The following POU2F3 variants were observed in gnomAD, a reference collection of about 807,000 sequenced individuals.
POU2F3 encodes POU class 2 homeobox 3.
POU2F3 carries 23 observed loss-of-function variants against 59.2 expected under a neutral mutation model. The ratio of observed to expected loss-of-function variants is 0.39; its 90% confidence interval spans 0.28 to 0.55. POU2F3 has a LOEUF of 0.55. Among genes scored for constraint, POU2F3 ranks in the 20% least tolerant of loss-of-function variants. POU2F3 has a pLI of 0.66. For missense variants in POU2F3, 473 were observed against 544.5 expected (o/e 0.87, Z 1.31); for synonymous variants, 190 against 214.6 (o/e 0.89, Z 1.00).
chr11:120,308,148 C>T (rs775266183), intron 9 of POU2F3, among the ~76,000 whole-genome samples: 11 of 152,168 alleles, frequency 7.2e-5, no homozygotes, highest in Non-Finnish European at 1.6e-4. Context: ...TACTTGTGAT[C>T]GTGTTATACA....
chr11:120,254,308 C>T (rs958716138), intron 2 of POU2F3: 4 of 152,376 alleles, frequency 2.6e-5, no homozygotes, highest in Non-Finnish European at 5.9e-5. Flanking sequence ...CCCAAGCACC[C>T]GCATAGACAA....
chr11:120,283,835 A>G (rs1039054922), intron 3 of POU2F3, among the ~76,000 whole-genome samples: 1 of 145,806 alleles, frequency 6.9e-6, no homozygotes, highest in African/African-American at 2.6e-5. Flanking sequence ...CCTGCCCACC[A>G]GTCAGTGGAA....
chr11:120,251,596 T>TC (rs892275110), intron 2 of POU2F3, among the ~76,000 whole-genome samples: 7 of 151,748 alleles, frequency 4.6e-5, no homozygotes, highest in Non-Finnish European at 8.8e-5. Flanking sequence ...GAAACTGTAG[T>TC]CCCCCCCAGA....
At chr11:120,236,784 T>G, upstream of POU2F3, 1 of 1,352,776 alleles carries the variant, frequency 7.4e-7, no homozygotes, top group South Asian at 1.2e-5. Flanking sequence ...AGAGAAGGAA[T>G]AAAGATTGCT....
At chr11:120,273,100 T>A (rs182166108) in intron 3 of POU2F3, among the ~76,000 whole-genome samples, 7 of 152,346 alleles carry the variant, frequency 4.6e-5, no homozygotes, top group African/African-American at 1.7e-4. Flanking sequence ...AAAGTCACCC[T>A]TGAGCTGTAG....
In POU2F3 at chr11:120,307,496, C is replaced by A. The variant is rs1374578457; in HGVS notation, c.787C>A (p.Pro263Thr). ...LNDAESSPSDPSVSTPSSYPS... is the reference protein window; with the variant it reads ...LNDAESSPSDTSVSTPSSYPS... ...CCCTGCAGAGTCCTCTCCGTCAGACCCCTCAGTGAGCACGCCCAGCTCCTA... is the reference window on the plus strand; with the variant it reads ...CCCTGCAGAGTCCTCTCCGTCAGACACCTCAGTGAGCACGCCCAGCTCCTA... Residue 263 changes from proline to threonine, a missense_variant, in exon 9 of 13, where the codon CCC becomes ACC. By Grantham distance (38) the Pro-to-Thr change is conservative. Coordinates refer to ENST00000543440, the MANE Select transcript of POU2F3 (RefSeq NM_014352.4). The A allele has an allele frequency of 1.2e-6, 2 of 1,614,060 alleles. No individual in the cohort carries two copies. Among genetic ancestry groups the A allele is most frequent in the Admixed American group, 3.3e-5 (2 of 59,996 alleles).
rs1424981994 is a variant in POU2F3 at position 120,305,222 on chromosome 11, T to C, written c.627+10T>C. 1.2e-6 allele frequency: 2 copies of C among 1,611,316 alleles called. No individual in the cohort carries two copies. The highest frequency in any genetic ancestry group is 1.7e-6 in the Non-Finnish European group (2 of 1,178,616). ...GCTGGGCTTCACACAGGTTTGGTTTTAGGGGAAAAGATAGAAGAAGTCTAG... is the reference window on the plus strand; with the variant it reads ...GCTGGGCTTCACACAGGTTTGGTTTCAGGGGAAAAGATAGAAGAAGTCTAG... On this transcript the variant is annotated intron_variant, in intron 7 of 12. Transcript: ENST00000543440.
At chr11:120,246,035 G>A (rs555708493) in intron 1 of POU2F3, among the ~76,000 whole-genome samples, 2 of 152,268 alleles carry the variant, frequency 1.3e-5, no homozygotes, top group South Asian at 4.2e-4. Flanking sequence ...TGGGGAGGCA[G>A]GCGGGGAGGG....
intron 2 of POU2F3, among the ~76,000 whole-genome samples, chr11:120,248,599 T>G (rs1027605461): frequency 6.6e-6 from 1 of 152,192 alleles, no homozygotes; most frequent in Non-Finnish European, 1.5e-5. Context: ...TAGGAAAGGA[T>G]TCTGCACAGG....
At chr11:120,317,776 A>G (rs1941827127) in intron 12 of POU2F3, among the ~76,000 whole-genome samples, 2 of 152,172 alleles carry the variant, frequency 1.3e-5, no homozygotes, top group Non-Finnish European at 2.9e-5. Flanking sequence ...GGAAAGGGGG[A>G]AGTGGTGCCA....
intron 5 of POU2F3, chr11:120,301,991 G>A (rs774769410): frequency 3.0e-5 from 9 of 302,798 alleles, no homozygotes; most frequent in South Asian, 7.0e-5. Flanking sequence ...AGAGTAGATC[G>A]TCTTGACCCT....
chr11:120,291,584 A>G (rs1241339764), intron 3 of POU2F3, among the ~76,000 whole-genome samples: 1 of 152,180 alleles, frequency 6.6e-6, no homozygotes, highest in African/African-American at 2.4e-5. Context: ...TAATTCCATC[A>G]CACACACAGA....
chr11:120,315,402 T>G lies in POU2F3; in HGVS notation c.1110T>G (p.Pro370=). The part of the protein sequence containing the change: ...SGSLGPLSVP[P]VHSTMPGTVT... ...CTCTGGGCCCCCTCTCTGTCCCTCC[T>G]GTCCACAGTACCATGCCTGGAACAG... Residue 370 remains proline, a synonymous_variant, in exon 11 of 13, where the codon CCT becomes CCG. Coordinates refer to ENST00000543440, the MANE Select transcript of POU2F3 (RefSeq NM_014352.4). The G allele has an allele frequency of 6.2e-7, 1 of 1,613,618 alleles. No individual in the cohort carries two copies. Among genetic ancestry groups the G allele is most frequent in the Non-Finnish European group, 8.5e-7 (1 of 1,179,504 alleles).
intron 3 of POU2F3, among the ~76,000 whole-genome samples, chr11:120,279,350 A>T (rs4936511): frequency 6.6e-6 from 1 of 152,092 alleles, no homozygotes; most frequent in African/African-American, 2.4e-5. Flanking sequence ...AATAGAGTTA[A>T]GATCTATAAA....
upstream of POU2F3, chr11:120,236,659 C>T (rs772766517): frequency 3.3e-6 from 5 of 1,495,424 alleles, no homozygotes; most frequent in East Asian, 7.4e-5. Flanking sequence ...GCCCAGAGCT[C>T]AAAAAACCGG....
chr11:120,288,147 AACAAG>A (rs1211285143), intron 3 of POU2F3, among the ~76,000 whole-genome samples: 2 of 149,254 alleles, frequency 1.3e-5, no homozygotes, highest in Non-Finnish European at 3.0e-5. Context: ...AAAAAAAAAA[AACAAG>A]AAAAAAGGGC....
intron 3 of POU2F3, among the ~76,000 whole-genome samples, chr11:120,278,302 C>A (rs922802164): frequency 1.3e-5 from 2 of 152,120 alleles, no homozygotes; most frequent in Non-Finnish European, 2.9e-5. Context: ...AGAGTACCTG[C>A]CCTCAGCCCA....
intron 5 of POU2F3, among the ~76,000 whole-genome samples, chr11:120,300,646 C>A (rs1453408685): frequency 1.3e-5 from 2 of 152,090 alleles, no homozygotes; most frequent in African/African-American, 4.8e-5. Flanking sequence ...TGCCTGTAAT[C>A]CCAGCTACTC....
intron 2 of POU2F3, 43 bp from the exon 3 acceptor site, chr11:120,269,167 A>G: frequency 6.6e-7 from 1 of 1,504,568 alleles, no homozygotes; most frequent in African/African-American, 1.4e-5. Context: ...AGCTCTTCCA[A>G]ACCTGCTACC....
Sources: gnomAD v4.1 joint callset for allele counts (sites outside exome capture counted in the v4.1 genomes callset) on GRCh38, gnomAD v4.1.1 for gene constraint, MANE v1.5 for transcripts, NCBI Gene and HGNC (gene_info 2026-07-23, HGNC 2026-07-21) for gene names.